CACNA1C: variants seen among roughly 807,000 people sequenced by gnomAD.
CACNA1C encodes voltage-dependent L-type calcium channel subunit alpha-1C.
A neutral mutation model predicts 229.0 loss-of-function variants in CACNA1C; 30 were observed. That is an observed-to-expected ratio of 0.13 (90% confidence interval 0.10 to 0.18). The LOEUF is 0.18. Ranked by LOEUF, CACNA1C falls within the 10% of genes least tolerant of loss-of-function variation. The pLI, the probability that CACNA1C is intolerant of heterozygous loss-of-function variation, is 1.00. For missense variants in CACNA1C, 1,658 were observed against 2,845.0 expected (o/e 0.58, Z 9.49); for synonymous variants, 1,114 against 1,132.5 (o/e 0.98, Z 0.33).
rs574867474 is a variant in CACNA1C, at chr12:2,537,067, C to T, written c.1391-12876C>T. Among the ~76,000 whole-genome samples, 13 of 152,280 alleles carry T rather than the reference C, an allele frequency of 8.5e-5. No homozygotes were observed. The South Asian group carries it at 1.9e-3, about 22-fold the overall frequency. ...ACTGCTTCCTTCTGCCCAGAGGAGCCGGCAGGGAGGCCCTGGGCAGGGTCA... is the reference window on the plus strand; with the variant it reads ...ACTGCTTCCTTCTGCCCAGAGGAGCTGGCAGGGAGGCCCTGGGCAGGGTCA... On this transcript the variant is annotated intron_variant, in intron 9 of 46. Transcript: ENST00000399655.
chr12:2,669,075 G>T (rs1264195436), intron 38 of CACNA1C, 40 bp downstream of exon 38: 1 of 1,359,522 alleles, frequency 7.4e-7, no homozygotes, highest in Non-Finnish European at 1.1e-6. Context: ...CACTCAGAAG[G>T]TCTAGCAGAC....
At chr12:2,299,317 G>C (rs986518417) in intron 3 of CACNA1C, among the ~76,000 whole-genome samples, 1 of 152,080 alleles carries the variant, frequency 6.6e-6, no homozygotes, top group Non-Finnish European at 1.5e-5. Context: ...AGTGGTTCTC[G>C]TGCAGCCAAG....
In CACNA1C at chr12:2,653,964, C is replaced by A. The variant is rs2095268005; in HGVS notation, c.4140+64C>A. On this transcript the variant is annotated intron_variant, in intron 33 of 46. Coordinates refer to ENST00000399655, the MANE Select transcript of CACNA1C (RefSeq NM_000719.7). This position sits in a 1 kb window ranked among gnomAD's most constrained non-coding sequence, Gnocchi z 4.7. ...TCTGTCTCTCCCCAGTTCCCAGCAC[C>A]ACATTCCCTAACGCCTTCCTCCCTC... The A allele has an allele frequency of 7.5e-7, 1 of 1,328,036 alleles. No homozygotes were observed. The highest frequency in any genetic ancestry group is 1.1e-6 in the Non-Finnish European group (1 of 924,286). The allele number at this position is 1,328,036 out of a possible 1,614,324, so 82.3% of individuals were successfully genotyped here.
chr12:2,645,411 A>C (rs1603284427), intron 30 of CACNA1C, among the ~76,000 whole-genome samples: 2 of 152,364 alleles, frequency 1.3e-5, no homozygotes, highest in South Asian at 4.1e-4. Flanking sequence ...ATTTACATCC[A>C]AAGGTAGAAC....
chr12:2,425,981 A>T (rs2099027689), intron 3 of CACNA1C, among the ~76,000 whole-genome samples: 1 of 151,976 alleles, frequency 6.6e-6, no homozygotes, highest in African/African-American at 2.4e-5. Flanking sequence ...TTGTTGGGGG[A>T]ACAGATGACT....
chr12:2,295,459 G>A (rs2093951408), intron 3 of CACNA1C, among the ~76,000 whole-genome samples: 1 of 152,098 alleles, frequency 6.6e-6, no homozygotes, highest in Non-Finnish European at 1.5e-5. Flanking sequence ...AACTGTGCCT[G>A]GATACCCCAA....
At chr12:2,532,250 G>A (rs1414298375) in intron 9 of CACNA1C, among the ~76,000 whole-genome samples, 1 of 152,150 alleles carries the variant, frequency 6.6e-6, no homozygotes, top group African/African-American at 2.4e-5. Context: ...TCTCAACCAA[G>A]GAGCCAGCAC....
intron 3 of CACNA1C, among the ~76,000 whole-genome samples, chr12:2,347,056 G>T (rs11830461): frequency 0.019 from 2,968 of 152,268 alleles, 103 homozygotes; most frequent in African/African-American, 0.068. Flanking sequence ...TCACACCGCA[G>T]TTTTAGCCTG....
chr12:2,409,785 A>G (rs1595524631), intron 3 of CACNA1C, among the ~76,000 whole-genome samples: 2 of 152,260 alleles, frequency 1.3e-5, no homozygotes, highest in African/African-American at 2.4e-5. Context: ...GGTGCCTCCC[A>G]TGGCACTTGT....
Position 2,674,310 on chromosome 12 carries a change from T to C in CACNA1C, c.4727-231T>C, listed in dbSNP as rs7136355. Among the ~76,000 whole-genome samples the C allele has an allele frequency of 0.76, 115,933 of 152,102 alleles. 44,683 individuals carry two copies. The highest frequency in any genetic ancestry group is 0.85 in the South Asian group (4,079 of 4,814). The stretch of plus-strand genomic sequence containing the variant: ...CAGGGGGAAGGGGACAGGAATGGCA[T>C]TGGACGGGGCACAAGAGGGAAGGGG... On this transcript the variant is annotated intron_variant, in intron 38 of 46. Transcript: ENST00000399655.
chr12:2,505,060 C>T, intron 8 of CACNA1C, 115 bp downstream of exon 8: 1 of 656,514 alleles, frequency 1.5e-6, no homozygotes, highest in Non-Finnish European at 2.7e-6. Context: ...TAAGGGGTCA[C>T]CACAGGAGCC....
chr12:2,189,731 G>A (rs2097154519), intron 3 of CACNA1C, among the ~76,000 whole-genome samples: 1 of 152,154 alleles, frequency 6.6e-6, no homozygotes, highest in South Asian at 2.1e-4. Context: ...AAGTAAAACA[G>A]CATGAAGTTG....
At position 2,181,060 on chromosome 12, in the gene CACNA1C, A is replaced by T. The variant is rs560200015; in HGVS notation, c.477+60630A>T. Among the ~76,000 whole-genome samples the T allele has an allele frequency of 6.6e-5, 10 of 152,170 alleles. No homozygotes were observed. The South Asian group carries it at 2.1e-3, about 32-fold the overall frequency. On this transcript the variant is annotated intron_variant, in intron 3 of 46. Transcript: ENST00000399655. The surrounding 1 kb of genome is among the most constrained non-coding windows in gnomAD (Gnocchi z 4.0). ...CGTGTTTGGGCAACTGAGTTTTGGA[A>T]CCTACATATCAGACTCAAATGTTTT...
intron 3 of CACNA1C, among the ~76,000 whole-genome samples, chr12:2,320,818 G>A (rs917413616): frequency 1.3e-5 from 2 of 152,220 alleles, no homozygotes; most frequent in Non-Finnish European, 2.9e-5. Flanking sequence ...AGGCAGCTAG[G>A]GGTAGGAGCA....
intron 3 of CACNA1C, among the ~76,000 whole-genome samples, chr12:2,186,370 C>T (rs1019184296): frequency 9.2e-5 from 14 of 152,186 alleles, no homozygotes; most frequent in African/African-American, 3.1e-4. Flanking sequence ...GGCAAGGTGG[C>T]CACCTCTGCA....
intron 29 of CACNA1C, among the ~76,000 whole-genome samples, chr12:2,623,663 CT>C (rs2084627167): frequency 6.6e-6 from 1 of 152,212 alleles, no homozygotes; most frequent in Non-Finnish European, 1.5e-5. Flanking sequence ...GGCATCCACA[CT>C]GACCTCCTTC....
intron 3 of CACNA1C, among the ~76,000 whole-genome samples, chr12:2,301,134 C>A (rs1256533105): frequency 6.6e-6 from 1 of 152,188 alleles, no homozygotes; most frequent in Non-Finnish European, 1.5e-5. Flanking sequence ...ACACTTAGCA[C>A]GGCCCAAGAG....
At chr12:2,097,311 A>G (rs1363609597) in intron 1 of CACNA1C, among the ~76,000 whole-genome samples, 3 of 151,702 alleles carry the variant, frequency 2.0e-5, no homozygotes, top group Non-Finnish European at 4.4e-5. Flanking sequence ...ACGCCCAGCT[A>G]ATTTTTTTGT....
rs2097853609 is a variant in CACNA1C, at chr12:2,697,893, AAAAC to A, written c.*6702_*6705del. 3 of 152,776 alleles carry A rather than the reference AAAAC, an allele frequency of 2.0e-5. No homozygotes were observed. The South Asian group carries it at 6.2e-4, about 32-fold the overall frequency. 9.5% of individuals were successfully genotyped at this position (152,776 alleles called of 1,614,324 possible). On this transcript the variant is annotated 3_prime_UTR_variant, in exon 47 of 47. Transcript: ENST00000399655. ...TTATCTAAGGAATGATGTTATTTAA[AAAAC>A]AAACAAAAAACACAAAAAATAAGAA...
Sources: gnomAD v4.1 joint callset for allele counts (sites outside exome capture counted in the v4.1 genomes callset) on GRCh38, gnomAD v4.1.1 for gene constraint, Gnocchi (gnomAD v3.1) non-coding constraint, MANE v1.5 for transcripts, NCBI Gene and HGNC (gene_info 2026-07-23, HGNC 2026-07-21) for gene names.